LINGO2: variants seen among roughly 807,000 people sequenced by gnomAD.
The protein encoded by LINGO2 is leucine-rich repeat and immunoglobulin-like domain-containing nogo receptor-interacting protein 2.
Under a neutral mutation model 30.6 loss-of-function variants are expected in LINGO2, and 14 were observed. That is an observed-to-expected ratio of 0.46 (90% CI 0.30 to 0.72). The LOEUF (loss-of-function observed/expected upper bound fraction) is 0.72, where lower values mean the gene tolerates loss of function less well. Ranked by LOEUF, LINGO2 falls within the 30% of genes least tolerant of loss-of-function variation. The probability of loss-of-function intolerance (pLI) is 0.07; values close to 1 mark genes in which losing one functional copy is unlikely to be tolerated. For missense variants in LINGO2, 729 were observed against 751.7 expected (o/e 0.97, Z 0.35); for synonymous variants, 317 against 288.5 (o/e 1.10, Z -1.00).
chr9:28,244,307 C>T (rs1286077042), intron 4 of LINGO2, among the ~76,000 whole-genome samples: 5 of 152,148 alleles, frequency 3.3e-5, no homozygotes, highest in Admixed American at 3.3e-4. Flanking sequence ...ACCAGAATCT[C>T]TGGAACACAG....
chr9:28,753,050 AT>A, the LINGO2 span, among the ~76,000 whole-genome samples: 168 of 152,042 alleles, frequency 1.1e-3, no homozygotes, highest in Admixed American at 6.3e-3. Flanking sequence ...GAGATTTTTG[AT>A]TTTTTTATGG....
the LINGO2 span, among the ~76,000 whole-genome samples, chr9:28,944,608 GT>G: frequency 6.6e-6 from 1 of 151,756 alleles, no homozygotes; most frequent in Non-Finnish European, 1.5e-5. Context: ...GTTTCACCAT[GT>G]TGGCCAGGCT....
At chr9:28,657,470 A>G (rs1311189925) in intron 1 of LINGO2, among the ~76,000 whole-genome samples, 1 of 151,776 alleles carries the variant, frequency 6.6e-6, no homozygotes, top group Non-Finnish European at 1.5e-5. Context: ...TTTCTTCATG[A>G]CTTATTCTTA....
the LINGO2 span, among the ~76,000 whole-genome samples, chr9:29,085,467 T>C: frequency 3.3e-5 from 5 of 151,900 alleles, no homozygotes; most frequent in African/African-American, 1.2e-4. Flanking sequence ...AATAATCCTA[T>C]GAAATAGTTA....
the LINGO2 span, among the ~76,000 whole-genome samples, chr9:28,681,669 C>A: frequency 1.3e-5 from 2 of 152,106 alleles, no homozygotes; most frequent in African/African-American, 4.8e-5. Flanking sequence ...AATTCCTGGA[C>A]TAGTCTCATA....
the LINGO2 span, among the ~76,000 whole-genome samples, chr9:29,079,945 T>C: frequency 2.0e-5 from 3 of 152,080 alleles, no homozygotes; most frequent in Admixed American, 6.6e-5. Flanking sequence ...ACTCATTTTC[T>C]TCTCACAATA....
At chr9:28,655,856 C>G (rs1828311868) in intron 1 of LINGO2, among the ~76,000 whole-genome samples, 1 of 152,130 alleles carries the variant, frequency 6.6e-6, no homozygotes, top group African/African-American at 2.4e-5. Flanking sequence ...ATCAATTAAA[C>G]TTCTTTCCTT....
chr9:28,493,029 A>G (rs1826460700), intron 1 of LINGO2, among the ~76,000 whole-genome samples: 1 of 152,110 alleles, frequency 6.6e-6, no homozygotes, highest in South Asian at 2.1e-4. Flanking sequence ...ATGTTTTTCA[A>G]GTCTCTAGGC....
intron 4 of LINGO2, among the ~76,000 whole-genome samples, chr9:28,220,441 G>C (rs77068389): frequency 0.024 from 3,708 of 152,190 alleles, 70 homozygotes; most frequent in Non-Finnish European, 0.035. Flanking sequence ...GCACACAGTA[G>C]GATGTCATAT....
chr9:28,046,175 A>G (rs377313710), intron 4 of LINGO2, among the ~76,000 whole-genome samples: 2 of 152,188 alleles, frequency 1.3e-5, no homozygotes, highest in South Asian at 4.1e-4. Context: ...TGCTATTTCA[A>G]TAGCTAACTT....
chr9:29,175,707 A>G, the LINGO2 span, among the ~76,000 whole-genome samples: 480 of 152,038 alleles, frequency 3.2e-3, 1 homozygote, highest in Non-Finnish European at 5.3e-3. Flanking sequence ...TTGTATCTTT[A>G]GTAGAGACGG....
the LINGO2 span, among the ~76,000 whole-genome samples, chr9:28,742,223 G>A: frequency 6.6e-6 from 1 of 150,928 alleles, no homozygotes; most frequent in African/African-American, 2.4e-5. Flanking sequence ...CCTGGAGTTG[G>A]GAGAGGAATA....
chr9:28,832,964 T>C, the LINGO2 span, among the ~76,000 whole-genome samples: 1 of 89,554 alleles, frequency 1.1e-5, no homozygotes, highest in African/African-American at 3.8e-5. Context: ...GCTGACGTAG[T>C]ACATTTTTTG....
chr9:29,048,905 G>A, the LINGO2 span, among the ~76,000 whole-genome samples: 22 of 152,160 alleles, frequency 1.4e-4, no homozygotes, highest in African/African-American at 4.1e-4. Flanking sequence ...ATTGATCTGG[G>A]CAAAAATTTC....
intron 4 of LINGO2, among the ~76,000 whole-genome samples, chr9:28,046,019 C>A (rs1824406068): frequency 6.6e-6 from 1 of 152,134 alleles, no homozygotes; most frequent in Admixed American, 6.5e-5. Context: ...TGAGGATGAT[C>A]CATGCCTCCA....
intron 4 of LINGO2, among the ~76,000 whole-genome samples, chr9:28,064,377 A>T (rs932453379): frequency 1.1e-4 from 16 of 152,128 alleles, no homozygotes; most frequent in Non-Finnish European, 2.4e-4. Context: ...AGTCACTGGC[A>T]CAAGTCCTCT....
At chr9:28,995,692 A>G in the LINGO2 span, among the ~76,000 whole-genome samples, 1 of 152,210 alleles carries the variant, frequency 6.6e-6, no homozygotes, top group Non-Finnish European at 1.5e-5. Flanking sequence ...ATGCAGCCAT[A>G]AAAAATGATG....
chr9:28,781,881 T>C, the LINGO2 span, among the ~76,000 whole-genome samples: 1 of 152,214 alleles, frequency 6.6e-6, no homozygotes, highest in African/African-American at 2.4e-5. Context: ...ACATTTTCAA[T>C]TGTGTTTAAA....
chr9:27,948,632 A>G, exon 6 of LINGO2: 2 of 505,494 alleles, frequency 4.0e-6, no homozygotes, highest in South Asian at 8.0e-5. Flanking sequence ...TTGCAACGCA[A>G]ACACTTAGTA....
Sources: allele counts gnomAD v4.1 joint callset (sites outside exome capture counted in the v4.1 genomes callset), GRCh38; gene constraint gnomAD v4.1.1; transcripts MANE v1.5; gene names NCBI Gene and HGNC (gene_info 2026-07-23, HGNC 2026-07-21).